The following BCO1 variants were observed in gnomAD, a reference collection of about 807,000 sequenced individuals.
BCO1 encodes beta,beta-carotene 15,15'-dioxygenase.
BCO1 carries 54 observed loss-of-function variants against 56.3 expected under a neutral mutation model. That is an observed-to-expected ratio of 0.96 (90% CI 0.77 to 1.20). BCO1 has a LOEUF of 1.20. Among genes scored for constraint, BCO1 ranks in the 50% most tolerant of loss-of-function variants. BCO1 has a pLI of 0.00. For missense variants in BCO1, 801 were observed against 690.9 expected, an observed-to-expected ratio of 1.16 and a Z score of -1.79; for synonymous variants, 318 against 266.1, an observed-to-expected ratio of 1.20 and a Z score of -1.90.
intron 2 of BCO1, among the ~76,000 whole-genome samples, chr16:81,251,343 G>A (rs2151930261): frequency 6.6e-6 from 1 of 152,192 alleles, no homozygotes; most frequent in South Asian, 2.1e-4. Flanking sequence ...AGGATCCCTT[G>A]AGCCCAGGAG....
At chr16:81,259,887 G>C (rs1184306282) in intron 3 of BCO1, 82 bp downstream of exon 3, 1 of 1,560,548 alleles carries the variant, frequency 6.4e-7, no homozygotes, top group African/African-American at 1.4e-5. Flanking sequence ...TTGCTCCTCT[G>C]ACAATTCTCT....
rs1340361547 is a variant in BCO1, at chr16:81,290,852, T to C, written c.*275T>C. ...CCTCCTTTCCTTTAACAAAAAGACC[T>C]TGACCATGAATCAGAGATTGTATTC... On this transcript the variant is annotated 3_prime_UTR_variant, in exon 11 of 11. Transcript: ENST00000258168. 21 of 376,822 alleles carry C rather than the reference T, an allele frequency of 5.6e-5. No homozygotes were observed. The East Asian group carries it at 8.0e-4, about 14-fold the overall frequency. 23.3% of individuals were successfully genotyped at this position (376,822 alleles called of 1,614,324 possible).
chr16:81,260,555 C>G (rs1173395579), intron 3 of BCO1, among the ~76,000 whole-genome samples: 3 of 152,110 alleles, frequency 2.0e-5, no homozygotes, highest in Non-Finnish European at 4.4e-5. Flanking sequence ...CTTGTCCAAG[C>G]TGGAGTGCAA....
chr16:81,280,058 T>C (rs1031952220), intron 7 of BCO1, among the ~76,000 whole-genome samples: 6 of 149,644 alleles, frequency 4.0e-5, no homozygotes, highest in African/African-American at 1.5e-4. Flanking sequence ...AGGTCAGGAG[T>C]TCAAGACCAC....
intron 3 of BCO1, among the ~76,000 whole-genome samples, chr16:81,261,508 G>A (rs1007291981): frequency 6.6e-6 from 1 of 152,142 alleles, no homozygotes; most frequent in Non-Finnish European, 1.5e-5. Context: ...GTTCATATAC[G>A]ATTTCCGTAG....
At chr16:81,280,987 G>C (rs1567463851) in intron 8 of BCO1, 25 bp downstream of exon 8, 6 of 1,556,230 alleles carry the variant, frequency 3.9e-6, no homozygotes, top group Non-Finnish European at 5.3e-6. Context: ...CTTGTCCTGA[G>C]TTTAGGAAAG....
intron 2 of BCO1, among the ~76,000 whole-genome samples, chr16:81,245,849 C>CTTTTT (rs1176582576): frequency 3.2e-5 from 3 of 93,368 alleles, no homozygotes; most frequent in Admixed American, 1.5e-4. Flanking sequence ...CCATCTCTGT[C>CTTTTT]TTTTTTTTTT....
intron 5 of BCO1, 78 bp downstream of exon 5, chr16:81,264,865 T>C (rs1244953365): frequency 6.6e-7 from 1 of 1,509,644 alleles, no homozygotes; most frequent in South Asian, 1.1e-5. Flanking sequence ...TTTTCGTTGA[T>C]GACACAAGAT....
chr16:81,259,690 A>T lies in BCO1; in HGVS notation c.208A>T (p.Arg70Trp), dbSNP rs747623587. ...TTCTCTTGCAGGTGAAGTCTATTAC[A>T]GGAGCAAATACCTGAGAAGCGATAC... ...FTIRDGEVYY[R>W]SKYLRSDTYN... Residue 70 changes from arginine (R) to tryptophan (W), a missense_variant, in exon 3 of 11, where the codon AGG becomes TGG. Transcript: ENST00000258168. 1 of 1,614,232 alleles carries T rather than the reference A, an allele frequency of 6.2e-7. No individual in the cohort carries two copies. The highest frequency in any genetic ancestry group is 8.5e-7 in the Non-Finnish European group (1 of 1,180,044).
intron 4 of BCO1, 27 bp downstream of exon 4, chr16:81,262,310 A>C (rs1409695501): frequency 2.5e-6 from 4 of 1,605,466 alleles, no homozygotes; most frequent in Non-Finnish European, 3.4e-6. Flanking sequence ...AACCAGCATC[A>C]CTTCCTGACT....
At chr16:81,241,103 G>C (rs1905086013) in intron 1 of BCO1, among the ~76,000 whole-genome samples, 1 of 151,950 alleles carries the variant, frequency 6.6e-6, no homozygotes, top group African/African-American at 2.4e-5. Context: ...CAGAGTGCTG[G>C]GATTATAGGC....
At position 81,259,656 on chromosome 16, in the gene BCO1, T is replaced by C; in HGVS notation, c.194-20T>C. On this transcript the variant is annotated intron_variant, in intron 2 of 10. Coordinates refer to ENST00000258168, the MANE Select transcript of BCO1 (RefSeq NM_017429.3). Reference sequence around the variant, plus strand: ...CTGTGAAGGCGTCAGCCTGAGATTATGCTGGTTCTTCTCTTGCAGGTGAAG... The same window carrying C: ...CTGTGAAGGCGTCAGCCTGAGATTACGCTGGTTCTTCTCTTGCAGGTGAAG... 1.2e-6 allele frequency: 2 copies of C among 1,614,240 alleles called. No individual in the cohort carries two copies. The highest frequency in any genetic ancestry group is 1.7e-6 in the Non-Finnish European group (2 of 1,180,030).
chr16:81,245,685 T>C lies in BCO1; in HGVS notation c.193+82T>C. On this transcript the variant is annotated intron_variant, in intron 2 of 10. Transcript: ENST00000258168. Reference sequence around the variant, plus strand: ...GCCTTAAAACAGCACAAATTTATTCTTTTAGGGATTGGAGGTCAGAAGTCT... The same window carrying C: ...GCCTTAAAACAGCACAAATTTATTCCTTTAGGGATTGGAGGTCAGAAGTCT... 4 of 1,567,062 alleles carry C rather than the reference T, an allele frequency of 2.6e-6. 1 individual carries two copies. In the South Asian group the frequency reaches 4.5e-5, roughly 18 times the overall value.
At chr16:81,268,488 C>T (rs1906975734) in intron 6 of BCO1, among the ~76,000 whole-genome samples, 1 of 152,176 alleles carries the variant, frequency 6.6e-6, no homozygotes, top group South Asian at 2.1e-4. Flanking sequence ...GACAAGACCC[C>T]TTAACCATGT....
rs1906946503 is a variant in BCO1, at chr16:81,268,095, C to T, written c.807C>T (p.Ser269=). The part of the protein sequence containing the change: ...KMATAYIRRM[S]WASCLAFHRE... ...CAACCGCATACATCCGGAGAATGAG[C>T]TGGGCCTCCTGCCTGGCTTTCCACA... Residue 269 remains serine, a synonymous_variant, in exon 6 of 11, where the codon AGC becomes AGT. Transcript: ENST00000258168. The T allele has an allele frequency of 6.2e-7, 1 of 1,611,244 alleles. No individual in the cohort carries two copies. The highest frequency in any genetic ancestry group is 8.5e-7 in the Non-Finnish European group (1 of 1,180,006).
At chr16:81,250,724 G>A (rs1173728183) in intron 2 of BCO1, among the ~76,000 whole-genome samples, 1 of 151,926 alleles carries the variant, frequency 6.6e-6, no homozygotes, top group Non-Finnish European at 1.5e-5. Context: ...AGGATTACAG[G>A]CATGAGCCAC....
rs80347626 is a variant in BCO1, at chr16:81,258,782, G to A, written c.194-894G>A. On this transcript the variant is annotated intron_variant, in intron 2 of 10. Transcript: ENST00000258168. ...TTGCTATAAAGGAATACCCAAGACC[G>A]GGTAATTTATAAAGAAAAGAGGTTT... Among the ~76,000 whole-genome samples, 6 of 152,188 alleles carry A rather than the reference G, an allele frequency of 3.9e-5. No individual in the cohort carries two copies. The East Asian group carries it at 5.8e-4, about 15-fold the overall frequency.
At chr16:81,259,443 G>T (rs1240401209) in intron 2 of BCO1, among the ~76,000 whole-genome samples, 1 of 152,028 alleles carries the variant, frequency 6.6e-6, no homozygotes, top group Non-Finnish European at 1.5e-5. Flanking sequence ...GCAGTGAGCC[G>T]AGATCGCACC....
intron 9 of BCO1, among the ~76,000 whole-genome samples, chr16:81,286,947 C>T (rs568981453): frequency 9.2e-5 from 14 of 152,144 alleles, no homozygotes; most frequent in South Asian, 4.1e-4. Context: ...TGGTGGCACA[C>T]GCCTGTAATT....
Sources: allele counts gnomAD v4.1 joint callset (sites outside exome capture counted in the v4.1 genomes callset), GRCh38; gene constraint gnomAD v4.1.1; transcripts MANE v1.5; gene names NCBI Gene and HGNC (gene_info 2026-07-23, HGNC 2026-07-21).